The following SOX5 variants were observed in gnomAD, a reference collection of about 807,000 sequenced individuals.
The protein encoded by SOX5 is transcription factor SOX-5.
In SOX5, 9 loss-of-function variants were observed where a neutral mutation model predicts 92.0. The ratio of observed to expected loss-of-function variants is 0.10; its 90% CI spans 0.06 to 0.17. The LOEUF (loss-of-function observed/expected upper bound fraction) is 0.17, where lower values mean the gene tolerates loss of function less well. Ranked by LOEUF, SOX5 falls within the 10% of genes least tolerant of loss-of-function variation. The pLI, the probability that SOX5 is intolerant of heterozygous loss-of-function variation, is 1.00. For missense variants in SOX5, 642 were observed against 944.5 expected, an observed-to-expected ratio of 0.68 and a Z score of 4.20; for synonymous variants, 344 against 336.3, an observed-to-expected ratio of 1.02 and a Z score of -0.25.
intron 4 of SOX5, among the ~76,000 whole-genome samples, chr12:24,103,486 C>T (rs1378394276): frequency 6.6e-6 from 1 of 152,056 alleles, no homozygotes; most frequent in African/African-American, 2.4e-5. Context: ...TCCCAAGTAG[C>T]TAGGACTACA....
intron 4 of SOX5, among the ~76,000 whole-genome samples, chr12:24,112,548 T>TTTTA (rs1593268586): frequency 7.2e-6 from 1 of 139,598 alleles, no homozygotes; most frequent in Non-Finnish European, 1.5e-5. Flanking sequence ...TTTTTTTTTT[T>TTTTA]GAGGCAGGAT....
intron 4 of SOX5, among the ~76,000 whole-genome samples, chr12:24,124,391 A>G (rs1948907313): frequency 6.6e-6 from 1 of 152,192 alleles, no homozygotes; most frequent in Non-Finnish European, 1.5e-5. Context: ...TAACAAAACC[A>G]TTCACGGAGA....
chr12:24,328,355 T>G (rs773793987), intron 2 of SOX5, among the ~76,000 whole-genome samples: 9 of 152,164 alleles, frequency 5.9e-5, no homozygotes, highest in Non-Finnish European at 1.0e-4. Context: ...GCTTAAGAAG[T>G]TGTATTCAGA....
chr12:24,302,231 C>T (rs1948047737), intron 2 of SOX5, among the ~76,000 whole-genome samples: 1 of 152,012 alleles, frequency 6.6e-6, no homozygotes, highest in African/African-American at 2.4e-5. Context: ...TTTCTCTCAC[C>T]CCTACATATG....
chr12:24,231,918 AGAACAGTGCTG>A (rs1174917364), intron 3 of SOX5, among the ~76,000 whole-genome samples: 2 of 152,174 alleles, frequency 1.3e-5, no homozygotes, highest in African/African-American at 4.8e-5. Context: ...AACTGTTCCT[AGAACAGTGCTG>A]GATCCAAAAC....
At chr12:23,666,281 T>A (rs1299149668) in intron 6 of SOX5, among the ~76,000 whole-genome samples, 1 of 152,140 alleles carries the variant, frequency 6.6e-6, no homozygotes, top group Non-Finnish European at 1.5e-5. Context: ...AAGGACTCCT[T>A]AGACCACAGG....
chr12:23,880,668 C>G (rs1383960189), intron 2 of SOX5, among the ~76,000 whole-genome samples: 1 of 152,096 alleles, frequency 6.6e-6, no homozygotes, highest in Non-Finnish European at 1.5e-5. Flanking sequence ...ACCTGGTTAC[C>G]TCTATATAAG....
chr12:23,601,902 G>C (rs2074544993), intron 9 of SOX5, among the ~76,000 whole-genome samples: 1 of 152,102 alleles, frequency 6.6e-6, no homozygotes, highest in Non-Finnish European at 1.5e-5. Context: ...GTTGTGGACA[G>C]TATGCTAGAG....
chr12:24,498,003 C>A (rs771138929), intron 1 of SOX5, among the ~76,000 whole-genome samples: 2 of 152,050 alleles, frequency 1.3e-5, no homozygotes, highest in Non-Finnish European at 2.9e-5. Flanking sequence ...ATGATGAGAA[C>A]ACAAGGACAC....
intron 8 of SOX5, among the ~76,000 whole-genome samples, chr12:23,621,873 T>G (rs1250968887): frequency 6.6e-6 from 1 of 152,084 alleles, no homozygotes; most frequent in Non-Finnish European, 1.5e-5. Context: ...TCTCTCTTCA[T>G]TTTCCCTTCC....
intron 1 of SOX5, chr12:23,920,436 G>T (rs1345541622): frequency 6.6e-6 from 1 of 152,152 alleles, no homozygotes; most frequent in Non-Finnish European, 1.5e-5. Flanking sequence ...ATTAGTAATA[G>T]ACTAGCTCTA....
chr12:23,843,781 C>A (rs1214784869), intron 3 of SOX5, among the ~76,000 whole-genome samples: 2 of 151,914 alleles, frequency 1.3e-5, no homozygotes, highest in Non-Finnish European at 2.9e-5. Context: ...CCAAGCTGGT[C>A]TCAAACTCCT....
chr12:24,288,273 G>C (rs982752770), intron 2 of SOX5, among the ~76,000 whole-genome samples: 2 of 152,198 alleles, frequency 1.3e-5, no homozygotes, highest in Non-Finnish European at 2.9e-5. Context: ...AGAATTATCT[G>C]ATCCAGAATG....
intron 2 of SOX5, among the ~76,000 whole-genome samples, chr12:23,866,264 T>A (rs2096812266): frequency 6.6e-6 from 1 of 152,218 alleles, no homozygotes; most frequent in South Asian, 2.1e-4. Context: ...CAGTAATATA[T>A]ATTTATGATT....
At chr12:23,925,071 A>G (rs1939569485) in intron 1 of SOX5, among the ~76,000 whole-genome samples, 1 of 152,106 alleles carries the variant, frequency 6.6e-6, no homozygotes, top group African/African-American at 2.4e-5. Context: ...CATGCCAACA[A>G]ATTATCACAA....
At chr12:23,704,710 A>ATATATATATATATATATC (rs1593454358) in intron 6 of SOX5, among the ~76,000 whole-genome samples, 2 of 136,374 alleles carry the variant, frequency 1.5e-5, no homozygotes, top group East Asian at 4.1e-4. Context: ...ATATATATAT[A>ATATATATATATATATATC]TATATACACA....
chr12:23,784,561 C>T (rs749117833), intron 3 of SOX5, among the ~76,000 whole-genome samples: 5 of 152,118 alleles, frequency 3.3e-5, no homozygotes, highest in African/African-American at 1.2e-4. Flanking sequence ...CTCTTGACCT[C>T]GTGATCCGCC....
intron 6 of SOX5, among the ~76,000 whole-genome samples, chr12:23,715,009 T>C (rs1555284861): frequency 6.6e-6 from 1 of 152,160 alleles, no homozygotes; most frequent in East Asian, 1.9e-4. Context: ...TTAATAACTA[T>C]CTTTGAGAAG....
At chr12:24,413,176 TTGTC>T (rs1338182169) in intron 1 of SOX5, among the ~76,000 whole-genome samples, 4 of 152,198 alleles carry the variant, frequency 2.6e-5, no homozygotes, top group Admixed American at 1.3e-4. Flanking sequence ...CATTGTGAGT[TTGTC>T]TATTTCTCCT....
Sources: gnomAD v4.1 joint callset for allele counts (sites outside exome capture counted in the v4.1 genomes callset) on GRCh38, gnomAD v4.1.1 for gene constraint, MANE v1.5 for transcripts, NCBI Gene and HGNC (gene_info 2026-07-23, HGNC 2026-07-21) for gene names.